Variants in ATAD2B observed in about 807,000 individuals in gnomAD.
ATAD2B encodes ATPase family AAA domain-containing protein 2B.
ATAD2B carries 40 observed loss-of-function variants against 167.6 expected under a neutral mutation model. The ratio of observed to expected loss-of-function variants is 0.24; its 90% CI spans 0.19 to 0.31. The LOEUF (loss-of-function observed/expected upper bound fraction) is 0.31, where lower values mean the gene tolerates loss of function less well. Among genes scored for constraint, ATAD2B ranks in the 10% least tolerant of loss-of-function variants. ATAD2B has a pLI of 1.00. For missense variants in ATAD2B, 1,242 were observed against 1,757.2 expected, an observed-to-expected ratio of 0.71 and a Z score of 5.24; for synonymous variants, 579 against 596.5, an observed-to-expected ratio of 0.97 and a Z score of 0.43.
the ATAD2B span, among the ~76,000 whole-genome samples, chr2:23,738,757 A>G: frequency 2.6e-5 from 4 of 152,226 alleles, no homozygotes; most frequent in Non-Finnish European, 4.4e-5. Flanking sequence ...AGACTGGCAA[A>G]TTGGATAAAG....
chr2:23,684,587 T>C, the ATAD2B span: 2 of 1,468,594 alleles, frequency 1.4e-6, no homozygotes, highest in Non-Finnish European at 1.8e-6. This position sits in a 1 kb window ranked among gnomAD's most constrained non-coding sequence, Gnocchi z 4.4. Context: ...GTAGGACGCT[T>C]TTGTGTCGCT....
intron 22 of ATAD2B, among the ~76,000 whole-genome samples, chr2:23,775,972 T>A (rs1279782277): frequency 6.6e-6 from 1 of 152,052 alleles, no homozygotes; most frequent in East Asian, 1.9e-4. Flanking sequence ...AAAAATTAGC[T>A]GGGTGTGATG....
At chr2:23,762,475 C>A in intron 23 of ATAD2B, 129 bp from the exon 24 acceptor site, 1 of 799,212 alleles carries the variant, frequency 1.3e-6, no homozygotes, top group Non-Finnish European at 1.8e-6. Context: ...GTTTGCAGTT[C>A]CAATGAAAGC....
intron 7 of ATAD2B, among the ~76,000 whole-genome samples, chr2:23,879,821 A>G (rs4665244): frequency 0.63 from 95,752 of 151,794 alleles, 30,454 homozygotes; most frequent in East Asian, 0.79. Context: ...TTGGGAGGCC[A>G]AGGTGGGCCA....
chr2:23,752,028 C>G lies in ATAD2B; in HGVS notation c.*18G>C. The G allele has an allele frequency of 6.5e-7, 1 of 1,549,786 alleles. No individual in the cohort carries two copies. Among genetic ancestry groups the G allele is most frequent in the East Asian group, 2.4e-5 (1 of 42,258 alleles). ...TGAGGAGCAGATTGGAGAGGATAAA[C>G]CACTCATCTTGAAAAGTTCATAGGA... On this transcript the variant is annotated 3_prime_UTR_variant, in exon 28 of 28. Coordinates refer to ENST00000238789, the MANE Select transcript of ATAD2B (RefSeq NM_017552.4).
the ATAD2B span, among the ~76,000 whole-genome samples, chr2:23,700,457 T>C: frequency 1.3e-5 from 2 of 152,198 alleles, no homozygotes; most frequent in African/African-American, 4.8e-5. This position sits in a 1 kb window ranked among gnomAD's most constrained non-coding sequence, Gnocchi z 4.6. Flanking sequence ...AGGGAGGAGA[T>C]TCCAGAGAAT....
chr2:23,740,177 G>T, the ATAD2B span, among the ~76,000 whole-genome samples: 1 of 152,158 alleles, frequency 6.6e-6, no homozygotes, highest in East Asian at 1.9e-4. Context: ...TAGAAAAAGA[G>T]GGAATCCTCC....
Position 23,751,962 on chromosome 2 carries a change from T to C in ATAD2B, c.*84A>G. The C allele has an allele frequency of 1.1e-5, 11 of 1,043,762 alleles. No individual in the cohort carries two copies. Among genetic ancestry groups the C allele is most frequent in the South Asian group, 2.8e-5 (2 of 70,286 alleles). 64.7% of individuals were successfully genotyped at this position (1,043,762 alleles called of 1,614,324 possible). On this transcript the variant is annotated 3_prime_UTR_variant, in exon 28 of 28. Transcript: ENST00000238789. Reference sequence around the variant, plus strand: ...CTTTACACCAAGGCTCTGCACATAATTGGTGCAATTTGAAATTGAATGGCT... The same window carrying C: ...CTTTACACCAAGGCTCTGCACATAACTGGTGCAATTTGAAATTGAATGGCT...
chr2:23,907,998 T>G (rs572685097), intron 1 of ATAD2B, among the ~76,000 whole-genome samples: 5,623 of 151,672 alleles, frequency 0.037, 102 homozygotes, highest in Middle Eastern at 0.044. Flanking sequence ...TCAAGATGGA[T>G]TAAAGACTTA....
rs752662737 is a variant in ATAD2B, at chr2:23,819,775, T to C, written c.2239A>G (p.Ile747Val). 18 of 1,610,388 alleles carry C rather than the reference T, an allele frequency of 1.1e-5. No individual in the cohort carries two copies. The African/African-American group carries it at 1.2e-4, about 11-fold the overall frequency. Residue 747 changes from isoleucine (I) to valine (V), a missense_variant, in exon 17 of 28, where the codon ATA (isoleucine) becomes GTA (valine). Around this residue, in one of 9 missense-constraint regions of ATAD2B, gnomAD observed 145 missense variants for 181.9 expected, o/e 0.80. Coordinates refer to ENST00000238789, the MANE Select transcript of ATAD2B (RefSeq NM_017552.4). ...GTAAAATGAAGGTAGGGTTTATGTA[T>C]AGCAGCAGATGATGACTGTTTCTTT... ...SPKKQSSSAA[I>V]HKPYLHFTMS... is the part of the protein sequence containing the mutation.
the ATAD2B span, chr2:23,706,359 G>C: frequency 5.8e-6 from 4 of 693,970 alleles, no homozygotes; most frequent in Non-Finnish European, 6.4e-6. Context: ...AGGGCAGCAA[G>C]ATCCCAGATG....
At chr2:23,780,608 A>T (rs1679876154) in intron 22 of ATAD2B, among the ~76,000 whole-genome samples, 1 of 152,140 alleles carries the variant, frequency 6.6e-6, no homozygotes, top group Non-Finnish European at 1.5e-5. Context: ...CAGATACAAA[A>T]CAAAGCACAG....
At chr2:23,763,829 C>T (rs1174426013) in intron 23 of ATAD2B, among the ~76,000 whole-genome samples, 2 of 152,146 alleles carry the variant, frequency 1.3e-5, no homozygotes, top group African/African-American at 4.8e-5. Context: ...TGGGCTCAAG[C>T]GATCCTCCAA....
At chr2:23,687,904 ACAG>A in the ATAD2B span, among the ~76,000 whole-genome samples, 1 of 152,078 alleles carries the variant, frequency 6.6e-6, no homozygotes, top group Non-Finnish European at 1.5e-5. Flanking sequence ...TGTAAAGATG[ACAG>A]TCAGACCATG....
intron 27 of ATAD2B, among the ~76,000 whole-genome samples, chr2:23,753,117 A>G (rs1350026966): frequency 6.6e-6 from 1 of 152,194 alleles, no homozygotes; most frequent in Admixed American, 6.5e-5. Context: ...AAACAGCTCC[A>G]AAGAAATTCT....
intron 12 of ATAD2B, among the ~76,000 whole-genome samples, chr2:23,860,470 A>G (rs1694173647): frequency 6.6e-6 from 1 of 152,200 alleles, no homozygotes; most frequent in Admixed American, 6.5e-5. Context: ...AGATCTAGAA[A>G]GAATCTGATT....
chr2:23,837,495 G>C (rs1003981514), intron 13 of ATAD2B, among the ~76,000 whole-genome samples: 3 of 152,186 alleles, frequency 2.0e-5, no homozygotes, highest in African/African-American at 7.2e-5. Context: ...GGCTGCAGCT[G>C]CACCCAGGGA....
Position 23,888,363 on chromosome 2 carries a change from T to C in ATAD2B, c.405A>G (p.Gly135=). The C allele has an allele frequency of 6.3e-7, 1 of 1,591,478 alleles. No homozygotes were observed. The change falls in exon 3 of 28, where the codon GGA becomes GGG. Residue 135 remains glycine, a synonymous_variant. Transcript: ENST00000238789. ...TSQPGATLPN[G]HSGLSLRSHP... is the part of the protein sequence containing the mutation. ...TAGAATACTCACATAAGCCACTATG[T>C]CCATTTGGTAATGTAGCACCAGGCT...
chr2:23,757,884 G>C lies in ATAD2B; in HGVS notation c.3612C>G (p.Thr1204=). 1 of 1,598,332 alleles carries C rather than the reference G, an allele frequency of 6.3e-7. No homozygotes were observed. The highest frequency in any genetic ancestry group is 1.8e-5 in the Admixed American group (1 of 55,966). ...NGEETGDLSM[T]NDESSCDIMD... is the part of the protein sequence containing the mutation. ...TGATGTCACAGGATGATTCATCATT[G>C]GTCATAGATAAGTCTCCAGTCTCTT... Residue 1204 remains threonine (T), a synonymous_variant, in exon 25 of 28, where the codon ACC becomes ACG. Transcript: ENST00000238789.
Sources: allele counts gnomAD v4.1 joint callset (sites outside exome capture counted in the v4.1 genomes callset), GRCh38; gene constraint gnomAD v4.1.1; regional missense constraint gnomAD v4.1.1; non-coding constraint Gnocchi (gnomAD v3.1); transcripts MANE v1.5; gene names NCBI Gene and HGNC (gene_info 2026-07-23, HGNC 2026-07-21).